The following EDA variants were observed in gnomAD, a reference collection of about 807,000 sequenced individuals.
EDA encodes ectodysplasin-A.
A neutral mutation model predicts 23.6 loss-of-function variants in EDA; 2 were observed. The observed-to-expected ratio is 0.08, with a 90% CI of 0.03 to 0.27. EDA has a LOEUF of 0.27. Among genes scored for constraint, EDA ranks in the 10% least tolerant of loss-of-function variants. The pLI, the probability that EDA is intolerant of heterozygous loss-of-function variation, is 1.00. For synonymous variants in EDA, 131 were observed against 132.0 expected, an observed-to-expected ratio of 0.99 and a Z score of 0.05; for missense variants, 229 against 324.2, an observed-to-expected ratio of 0.71 and a Z score of 2.26.
At chrX:69,847,565 G>A (rs757358618) in intron 1 of EDA, among the ~76,000 whole-genome samples, 118 of 111,447 alleles carry the variant, frequency 1.1e-3, no homozygotes, top group African/African-American at 3.5e-3. Context: ...GCATGTAACC[G>A]CTGAGACTGG....
At chrX:69,852,752 G>C (rs769845555) in intron 1 of EDA, among the ~76,000 whole-genome samples, 2 of 110,744 alleles carry the variant, frequency 1.8e-5, no homozygotes, top group Non-Finnish European at 3.8e-5. Context: ...TCTCAGTCTT[G>C]GTGCTGACTG....
chrX:69,855,810 T>A (rs764942862), intron 1 of EDA, among the ~76,000 whole-genome samples: 1 of 112,170 alleles, frequency 8.9e-6, no homozygotes, highest in South Asian at 3.7e-4. Flanking sequence ...TCTTTTCTGG[T>A]TCTATCTGAA....
In EDA at chrX:70,035,865, C is replaced by A; in HGVS notation, c.*256C>A. On this transcript the variant is annotated 3_prime_UTR_variant, in exon 8 of 8. Transcript: ENST00000374552. ...AGAACCTTCTTTGGTTCCATGTTGACTGACTTATGGCATGACTCTTCAACC... is the reference window on the plus strand; with the variant it reads ...AGAACCTTCTTTGGTTCCATGTTGAATGACTTATGGCATGACTCTTCAACC... 2.4e-6 allele frequency: 1 copy of A among 418,663 alleles called. No individual in the cohort carries two copies. The highest frequency in any genetic ancestry group is 4.1e-5 in the South Asian group (1 of 24,374). 34.5% of individuals were successfully genotyped at this position (418,663 alleles called of 1,213,427 possible).
chrX:69,741,017 A>T (rs2013441496), intron 1 of EDA, among the ~76,000 whole-genome samples: 1 of 109,492 alleles, frequency 9.1e-6, no homozygotes, highest in South Asian at 3.7e-4. Context: ...ATATATAGAA[A>T]ATATATATGT....
At chrX:69,636,090 C>T (rs1300756857) in intron 1 of EDA, among the ~76,000 whole-genome samples, 1 of 111,023 alleles carries the variant, frequency 9.0e-6, no homozygotes, top group African/African-American at 3.3e-5. Context: ...TTTGTCCCCT[C>T]CAAATCTCAT....
chrX:69,972,087 C>T (rs189909574), intron 2 of EDA, among the ~76,000 whole-genome samples: 1 of 111,345 alleles, frequency 9.0e-6, no homozygotes, highest in African/African-American at 3.3e-5. Context: ...CCCTGTACCA[C>T]AGTAATGATA....
chrX:69,660,703 G>A (rs960004900), intron 1 of EDA, among the ~76,000 whole-genome samples: 12 of 111,542 alleles, frequency 1.1e-4, no homozygotes, highest in African/African-American at 3.3e-4. Context: ...AGTATTCCAC[G>A]GTGTATATGT....
At chrX:69,860,910 A>G (rs2017370163) in intron 1 of EDA, 1 of 524,536 alleles carries the variant, frequency 1.9e-6, no homozygotes, top group Admixed American at 2.6e-5. Flanking sequence ...CTTCACTCTG[A>G]AGATCTGTTA....
intron 1 of EDA, among the ~76,000 whole-genome samples, chrX:69,718,854 G>A: frequency 9.0e-6 from 1 of 111,491 alleles, no homozygotes; most frequent in Non-Finnish European, 1.9e-5. Flanking sequence ...TATTTTTCTG[G>A]AAGAAATTTG....
At chrX:69,753,361 T>G (rs1373507214) in intron 1 of EDA, among the ~76,000 whole-genome samples, 3 of 112,263 alleles carry the variant, frequency 2.7e-5, no homozygotes, top group African/African-American at 9.7e-5. Context: ...GAGCAGGTTG[T>G]TCAGTTTCCA....
intron 1 of EDA, among the ~76,000 whole-genome samples, chrX:69,681,073 A>G (rs1295483911): frequency 4.6e-5 from 5 of 108,128 alleles, no homozygotes; most frequent in Admixed American, 4.0e-4. Flanking sequence ...TTTCTCCTTC[A>G]CTTATGAAGC....
intron 1 of EDA, among the ~76,000 whole-genome samples, chrX:69,844,934 T>TC (rs1268207333): frequency 2.6e-4 from 29 of 112,143 alleles, no homozygotes; most frequent in African/African-American, 8.4e-4. Context: ...TTAAATTTGA[T>TC]TCTTGTGGAA....
At chrX:69,617,286 C>G (rs1873595643) in intron 1 of EDA, 2 of 141,453 alleles carry the variant, frequency 1.4e-5, no homozygotes, top group Admixed American at 1.6e-4. Context: ...AGGATCAGCG[C>G]CCCTGAGGAA....
chrX:69,764,696 T>C (rs1388301849), intron 1 of EDA, among the ~76,000 whole-genome samples: 1 of 111,848 alleles, frequency 8.9e-6, no homozygotes, highest in African/African-American at 3.3e-5. Flanking sequence ...CCTTTCTTCA[T>C]TGATGCTGCC....
At chrX:69,620,194 A>T (rs1389914104) in intron 1 of EDA, among the ~76,000 whole-genome samples, 1 of 112,368 alleles carries the variant, frequency 8.9e-6, no homozygotes, top group Non-Finnish European at 1.9e-5. Context: ...AATGTTAAGT[A>T]TTAGACACCT....
At chrX:69,768,636 A>G (rs1487691707) in intron 1 of EDA, among the ~76,000 whole-genome samples, 2 of 111,877 alleles carry the variant, frequency 1.8e-5, no homozygotes, top group Admixed American at 9.4e-5. Flanking sequence ...TATGTCCTCC[A>G]TAATTGTTCT....
intron 3 of EDA, 108 bp from the exon 4 acceptor site, chrX:70,027,749 G>A: frequency 6.1e-6 from 3 of 487,865 alleles, no homozygotes; most frequent in Middle Eastern, 5.4e-4. Flanking sequence ...CTTGAACCCG[G>A]GAGGTGGAGG....
intron 1 of EDA, among the ~76,000 whole-genome samples, chrX:69,875,857 T>C (rs774257330): frequency 8.9e-6 from 1 of 111,759 alleles, no homozygotes; most frequent in South Asian, 3.7e-4. Context: ...CAAAAGAAGA[T>C]ATATATAAAC....
At chrX:69,647,837 T>C (rs1409696228) in intron 1 of EDA, among the ~76,000 whole-genome samples, 1 of 112,099 alleles carries the variant, frequency 8.9e-6, no homozygotes, top group East Asian at 2.8e-4. Context: ...CTTCCTTTGA[T>C]CTTTGAGGTT....
Sources: allele counts gnomAD v4.1 joint callset (sites outside exome capture counted in the v4.1 genomes callset), GRCh38; gene constraint gnomAD v4.1.1; transcripts MANE v1.5; gene names NCBI Gene and HGNC (gene_info 2026-07-23, HGNC 2026-07-21).